The following TMEM182 variants were observed in gnomAD, a reference collection of about 807,000 sequenced individuals.
The protein encoded by TMEM182 is transmembrane protein 182.
TMEM182 carries 20 observed loss-of-function variants against 26.8 expected under a neutral mutation model. The observed-to-expected ratio is 0.75, with a 90% CI of 0.53 to 1.09. TMEM182 has a LOEUF of 1.09. Among genes scored for constraint, TMEM182 ranks in the 50% least tolerant of loss-of-function variants. The probability of loss-of-function intolerance (pLI) is 0.00; values close to 1 mark genes in which losing one functional copy is unlikely to be tolerated. For missense variants in TMEM182, 277 were observed against 275.5 expected (o/e 1.01, Z -0.04); for synonymous variants, 109 against 102.2 (o/e 1.07, Z -0.40).
chr2:102,818,203 A>T (rs757591779), downstream of TMEM182, among the ~76,000 whole-genome samples: 1 of 152,228 alleles, frequency 6.6e-6, no homozygotes, highest in Non-Finnish European at 1.5e-5. Context: ...GAGATGAAAC[A>T]GAAAACTACA....
intron 3 of TMEM182, among the ~76,000 whole-genome samples, chr2:102,781,721 G>A (rs929461440): frequency 2.6e-5 from 4 of 152,110 alleles, no homozygotes; most frequent in African/African-American, 9.7e-5. Flanking sequence ...AGTAGAGGAA[G>A]GCGCAACCGA....
At chr2:102,766,817 T>G (rs745490454) in intron 3 of TMEM182, among the ~76,000 whole-genome samples, 4 of 152,214 alleles carry the variant, frequency 2.6e-5, no homozygotes, top group Non-Finnish European at 4.4e-5. Context: ...AAATTGTTGG[T>G]GAAATGGCTT....
intron 3 of TMEM182, among the ~76,000 whole-genome samples, chr2:102,792,013 A>AT (rs1553441294): frequency 6.8e-6 from 1 of 146,458 alleles, no homozygotes; most frequent in East Asian, 2.0e-4. Flanking sequence ...TATACCTAAA[A>AT]ATATATATAT....
intron 4 of TMEM182, among the ~76,000 whole-genome samples, chr2:102,798,248 CT>C (rs1681966778): frequency 6.6e-6 from 1 of 152,192 alleles, no homozygotes; most frequent in Non-Finnish European, 1.5e-5. Context: ...ATGATAGTCT[CT>C]GCTCACTGTA....
At chr2:102,747,081 G>A (rs979504792) in intron 1 of TMEM182, among the ~76,000 whole-genome samples, 1 of 152,200 alleles carries the variant, frequency 6.6e-6, no homozygotes, top group African/African-American at 2.4e-5. Flanking sequence ...AGTGGGTCAT[G>A]GAGTTCCTCA....
intron 1 of TMEM182, among the ~76,000 whole-genome samples, chr2:102,751,817 C>A (rs1473937913): frequency 6.6e-6 from 1 of 152,142 alleles, no homozygotes; most frequent in Non-Finnish European, 1.5e-5. Flanking sequence ...GAGGTGCATG[C>A]CACCATGCCT....
intron 3 of TMEM182, among the ~76,000 whole-genome samples, chr2:102,784,455 C>T (rs1681304415): frequency 6.6e-6 from 1 of 151,946 alleles, no homozygotes; most frequent in Non-Finnish European, 1.5e-5. Flanking sequence ...GACTGAAGCT[C>T]CATGTGGACA....
At chr2:102,791,232 A>G (rs560705565) in intron 3 of TMEM182, among the ~76,000 whole-genome samples, 238 of 152,318 alleles carry the variant, frequency 1.6e-3, no homozygotes, top group African/African-American at 5.5e-3. Context: ...CACCGTGCCC[A>G]GCCTGTTTTA....
At chr2:102,752,836 T>C (rs568960100) in intron 1 of TMEM182, among the ~76,000 whole-genome samples, 1 of 152,210 alleles carries the variant, frequency 6.6e-6, no homozygotes, top group Non-Finnish European at 1.5e-5. Context: ...TTCTCTAAAT[T>C]AAGACTCAAG....
intron 3 of TMEM182, among the ~76,000 whole-genome samples, chr2:102,796,673 T>C (rs981180157): frequency 2.6e-5 from 4 of 152,192 alleles, no homozygotes; most frequent in African/African-American, 7.2e-5. Flanking sequence ...CTGGAAACCA[T>C]GCCAAGTGGC....
chr2:102,813,317 A>G (rs1341807861), intron 4 of TMEM182, among the ~76,000 whole-genome samples: 1 of 152,232 alleles, frequency 6.6e-6, no homozygotes, highest in East Asian at 1.9e-4. Flanking sequence ...TTAACGTGAG[A>G]AATGTAATTG....
intron 1 of TMEM182, among the ~76,000 whole-genome samples, chr2:102,738,830 G>A (rs1679461860): frequency 6.6e-6 from 1 of 152,154 alleles, no homozygotes; most frequent in African/African-American, 2.4e-5. Flanking sequence ...TAGACTCAAA[G>A]ATGGCCTATA....
chr2:102,746,184 G>A (rs1679690078), intron 1 of TMEM182, among the ~76,000 whole-genome samples: 1 of 152,088 alleles, frequency 6.6e-6, no homozygotes, highest in Non-Finnish European at 1.5e-5. Flanking sequence ...TTTCTCTGAT[G>A]GCTAATGATA....
intron 1 of TMEM182, among the ~76,000 whole-genome samples, chr2:102,748,967 A>G (rs1446853771): frequency 6.6e-6 from 1 of 152,182 alleles, no homozygotes; most frequent in African/African-American, 2.4e-5. Flanking sequence ...TAAAATAAAT[A>G]ATGTATGACA....
intron 1 of TMEM182, among the ~76,000 whole-genome samples, chr2:102,753,410 C>T (rs935695519): frequency 9.2e-5 from 14 of 152,144 alleles, no homozygotes; most frequent in African/African-American, 3.4e-4. Context: ...ATGGATCTTG[C>T]TGTAGTCATG....
Position 102,814,879 on chromosome 2 carries a change from T to C in TMEM182, c.601T>C (p.Phe201Leu). 6.2e-7 allele frequency: 1 copy of C among 1,613,984 alleles called. No individual in the cohort carries two copies. Among genetic ancestry groups the C allele is most frequent in the Non-Finnish European group, 8.5e-7 (1 of 1,179,970 alleles). ...FTPSVLYGWSFFLAPAGIFFS... is the reference protein window; with the variant it reads ...FTPSVLYGWSLFLAPAGIFFS... ...CCCTTCTGTTCTGTATGGCTGGTCA[T>C]TTTTCCTGGCCCCAGCTGGGATATT... Residue 201 changes from phenylalanine to leucine, a missense_variant, in exon 5 of 5, where the codon TTT becomes CTT. Coordinates refer to ENST00000412401, the MANE Select transcript of TMEM182 (RefSeq NM_144632.5).
At chr2:102,820,065 C>T (rs755013529), downstream of TMEM182, among the ~76,000 whole-genome samples, 1 of 152,130 alleles carries the variant, frequency 6.6e-6, no homozygotes, top group Non-Finnish European at 1.5e-5. Context: ...CTTTCTAAAG[C>T]CACATGTCTT....
upstream of TMEM182, among the ~76,000 whole-genome samples, chr2:102,760,535 A>G (rs1680173952): frequency 6.6e-6 from 1 of 152,146 alleles, no homozygotes; most frequent in African/African-American, 2.4e-5. Flanking sequence ...AGCTCAGATG[A>G]CCCCTTAACT....
chr2:102,765,705 T>C (rs1228169091), intron 3 of TMEM182, among the ~76,000 whole-genome samples: 2 of 152,170 alleles, frequency 1.3e-5, no homozygotes, highest in Non-Finnish European at 2.9e-5. Context: ...ATAGGACACT[T>C]ATAAAGAGGG....
Sources: allele counts gnomAD v4.1 joint callset (sites outside exome capture counted in the v4.1 genomes callset), GRCh38; gene constraint gnomAD v4.1.1; transcripts MANE v1.5; gene names NCBI Gene and HGNC (gene_info 2026-07-23, HGNC 2026-07-21).